Variants in DLG2 observed in about 807,000 individuals in gnomAD.
The protein encoded by DLG2 is disks large homolog 2.
In DLG2, 45 loss-of-function variants were observed where a neutral mutation model predicts 132.5. That is an observed-to-expected ratio of 0.34 (90% confidence interval 0.27 to 0.44). DLG2 has a LOEUF of 0.44. Ranked by LOEUF, DLG2 falls within the 20% of genes least tolerant of loss-of-function variation. DLG2 has a pLI of 1.00. For missense variants in DLG2, 1,045 were observed against 1,196.9 expected (o/e 0.87, Z 1.87); for synonymous variants, 424 against 419.6 (o/e 1.01, Z -0.13).
chr11:84,292,067 G>A (rs909194744), intron 7 of DLG2, among the ~76,000 whole-genome samples: 3 of 152,134 alleles, frequency 2.0e-5, no homozygotes, highest in African/African-American at 7.2e-5. Flanking sequence ...TGACTATAGA[G>A]TGTGATGAAA....
intron 7 of DLG2, among the ~76,000 whole-genome samples, chr11:84,274,039 T>C (rs1031732433): frequency 1.3e-5 from 2 of 152,220 alleles, no homozygotes; most frequent in African/African-American, 4.8e-5. Flanking sequence ...TGTCTTTAAA[T>C]GTTCTCGGGA....
At chr11:84,333,730 C>A (rs1304732203) in intron 7 of DLG2, among the ~76,000 whole-genome samples, 1 of 152,190 alleles carries the variant, frequency 6.6e-6, no homozygotes, top group East Asian at 1.9e-4. Context: ...CATTTCAGTT[C>A]TCTGAAAATC....
At chr11:85,061,504 TATC>T (rs1472434676) in intron 6 of DLG2, among the ~76,000 whole-genome samples, 2 of 151,826 alleles carry the variant, frequency 1.3e-5, no homozygotes, top group Non-Finnish European at 2.9e-5. Context: ...AGGAGGCAAG[TATC>T]ATATAGTTTG....
At chr11:85,465,144 AAGATT>A (rs1188451424) in intron 3 of DLG2, among the ~76,000 whole-genome samples, 4 of 123,758 alleles carry the variant, frequency 3.2e-5, no homozygotes, top group East Asian at 5.0e-4. Context: ...TCAACAATAT[AAGATT>A]TTTTTTTTTT....
rs764583875 is a variant in DLG2 at position 85,207,227 on chromosome 11, TGTC to T, written c.187-52579_187-52577del. ...GGAAAACAGAGTTTACCTTCTCAGA[TGTC>T]TTCTTAGACTGTGTAAACAATTGCA... is the stretch of plus-strand genomic sequence containing the variant. On this transcript the variant is annotated intron_variant, in intron 4 of 27. Coordinates refer to ENST00000376104, the MANE Select transcript of DLG2 (RefSeq NM_001142699.3). Among the ~76,000 whole-genome samples the T allele has an allele frequency of 6.6e-4, 100 of 152,306 alleles. 1 individual carries two copies. The highest frequency in any genetic ancestry group is 1.3e-3 in the Non-Finnish European group (87 of 68,028).
intron 6 of DLG2, among the ~76,000 whole-genome samples, chr11:84,771,245 A>C (rs1384815147): frequency 6.6e-6 from 1 of 152,186 alleles, no homozygotes; most frequent in Non-Finnish European, 1.5e-5. Context: ...AACAGTGTAC[A>C]AGTGTTCCCT....
At chr11:84,535,843 G>T (rs1358991203) in intron 6 of DLG2, among the ~76,000 whole-genome samples, 2 of 151,996 alleles carry the variant, frequency 1.3e-5, no homozygotes, top group Non-Finnish European at 2.9e-5. Flanking sequence ...CAGGGATATT[G>T]GGAACAGGGA....
intron 3 of DLG2, among the ~76,000 whole-genome samples, chr11:85,312,282 T>G (rs1450840822): frequency 1.3e-5 from 2 of 151,732 alleles, no homozygotes; most frequent in Non-Finnish European, 3.0e-5. Context: ...ACCATCCATA[T>G]TACTTAGGCA....
intron 8 of DLG2, among the ~76,000 whole-genome samples, chr11:84,198,993 T>G (rs1433230423): frequency 1.3e-5 from 2 of 152,076 alleles, no homozygotes; most frequent in African/African-American, 4.8e-5. Context: ...TGGATAACGG[T>G]AGGATCAGCC....
chr11:85,272,981 C>A (rs1273765741), intron 4 of DLG2, among the ~76,000 whole-genome samples: 1 of 152,082 alleles, frequency 6.6e-6, no homozygotes, highest in African/African-American at 2.4e-5. Flanking sequence ...TTTGACAAAC[C>A]TGACAAAAAC....
At chr11:84,015,397 A>C (rs1358703895) in intron 11 of DLG2, among the ~76,000 whole-genome samples, 2 of 152,130 alleles carry the variant, frequency 1.3e-5, no homozygotes. Flanking sequence ...TTTTAAGTTC[A>C]GGGGTACATG....
chr11:84,467,527 C>T (rs972687170), intron 7 of DLG2, among the ~76,000 whole-genome samples: 4 of 151,012 alleles, frequency 2.6e-5, no homozygotes, highest in East Asian at 3.9e-4. Context: ...CTTTTCTATA[C>T]GTTTTTAATT....
intron 6 of DLG2, among the ~76,000 whole-genome samples, chr11:85,056,273 A>C (rs2154156525): frequency 6.6e-6 from 1 of 152,242 alleles, no homozygotes; most frequent in Non-Finnish European, 1.5e-5. Flanking sequence ...GTTTATTCTT[A>C]AATTTTAAGA....
At chr11:83,653,416 T>C (rs2071241908) in intron 18 of DLG2, among the ~76,000 whole-genome samples, 1 of 152,240 alleles carries the variant, frequency 6.6e-6, no homozygotes, top group Non-Finnish European at 1.5e-5. Flanking sequence ...TTAAACAGCA[T>C]AAATCTCTTT....
chr11:84,079,506 C>T (rs889792372), intron 10 of DLG2, among the ~76,000 whole-genome samples: 1 of 152,104 alleles, frequency 6.6e-6, no homozygotes, highest in African/African-American at 2.4e-5. Context: ...TGGTCTTGAA[C>T]TTCTGACCTC....
At chr11:84,567,097 G>A (rs761020067) in intron 6 of DLG2, among the ~76,000 whole-genome samples, 3 of 152,038 alleles carry the variant, frequency 2.0e-5, no homozygotes, top group Non-Finnish European at 1.5e-5. Context: ...ACTTCACCTC[G>A]AAAAATAAAC....
intron 3 of DLG2, among the ~76,000 whole-genome samples, chr11:85,499,317 C>A (rs1205456614): frequency 2.6e-5 from 4 of 152,158 alleles, no homozygotes; most frequent in East Asian, 3.8e-4. Flanking sequence ...ACTATAAACA[C>A]TTCTATGCAA....
chr11:85,611,934 G>A (rs1356756895), intron 2 of DLG2, among the ~76,000 whole-genome samples: 2 of 152,082 alleles, frequency 1.3e-5, no homozygotes, highest in African/African-American at 4.8e-5. Context: ...GAGAGAGAGA[G>A]AGGAAGAGAC....
intron 6 of DLG2, among the ~76,000 whole-genome samples, chr11:84,619,318 A>G (rs2099609950): frequency 6.6e-6 from 1 of 151,900 alleles, no homozygotes; most frequent in Non-Finnish European, 1.5e-5. Context: ...AATACTGCAT[A>G]TCATATATTA....
Sources: allele counts gnomAD v4.1 joint callset (sites outside exome capture counted in the v4.1 genomes callset), GRCh38; gene constraint gnomAD v4.1.1; transcripts MANE v1.5; gene names NCBI Gene and HGNC (gene_info 2026-07-23, HGNC 2026-07-21).